NRXN1: variants seen among roughly 807,000 people sequenced by gnomAD.
The protein encoded by NRXN1 is neurexin 1.
In NRXN1, 39 loss-of-function variants were observed where a neutral mutation model predicts 150.9. The observed-to-expected ratio is 0.26, with a 90% CI of 0.20 to 0.34. NRXN1 has a LOEUF of 0.34. NRXN1 is among the 10% of genes least tolerant of loss of function. The pLI is 1.00. For missense variants in NRXN1, 1,815 were observed against 1,949.9 expected (o/e 0.93, Z 1.30); for synonymous variants, 924 against 757.0 (o/e 1.22, Z -3.62).
At chr2:50,232,222 G>A (rs1193641395) in intron 18 of NRXN1, among the ~76,000 whole-genome samples, 1 of 151,950 alleles carries the variant, frequency 6.6e-6, no homozygotes. Context: ...TATTTATTGA[G>A]GTGGTTACTA....
chr2:50,920,453 A>T (rs1685847384), intron 5 of NRXN1, among the ~76,000 whole-genome samples: 1 of 151,808 alleles, frequency 6.6e-6, no homozygotes, highest in African/African-American at 2.4e-5. Context: ...AATAACAAAT[A>T]TACGAGTGTA....
intron 15 of NRXN1, among the ~76,000 whole-genome samples, chr2:50,473,045 G>A (rs1006504521): frequency 1.3e-5 from 2 of 151,806 alleles, no homozygotes; most frequent in Admixed American, 1.3e-4. Flanking sequence ...TTCATCAGAA[G>A]TTCAGTAAAT....
intron 17 of NRXN1, among the ~76,000 whole-genome samples, chr2:50,378,112 A>ATATG (rs2080662332): frequency 6.6e-6 from 1 of 152,156 alleles, no homozygotes; most frequent in Admixed American, 6.6e-5. Context: ...GTTAGTCAGT[A>ATATG]TATGGTAAGC....
Position 50,497,620 on chromosome 2 carries a change from G to T in NRXN1, c.2592C>A (p.Asn864Lys). Reference sequence around the variant, plus strand: ...TCAAGCTCTGCAGGTGTCCAATGAAGTTGGAGGGGACAGAAGAAAGATACC... The same window carrying T: ...TCAAGCTCTGCAGGTGTCCAATGAATTTGGAGGGGACAGAAGAAAGATACC... Reference protein sequence around the residue: ...ERRYLSSVPSNFIGHLQSLTF... With the variant: ...ERRYLSSVPSKFIGHLQSLTF... Residue 864 changes from asparagine (N) to lysine (K), a missense_variant, in exon 14 of 23, where the codon AAC becomes AAA. Asn to Lys is a moderately conservative substitution (Grantham distance 94, BLOSUM62 0). This residue lies in a region of NRXN1 where 638 missense variants were observed against 652.6 expected (regional missense o/e 0.98). Transcript: ENST00000401669. The T allele has an allele frequency of 6.2e-7, 1 of 1,613,922 alleles. No individual in the cohort carries two copies. Among genetic ancestry groups the T allele is most frequent in the East Asian group, 2.2e-5 (1 of 44,870 alleles).
chr2:50,387,426 G>C (rs1247347536), intron 17 of NRXN1, among the ~76,000 whole-genome samples: 1 of 152,118 alleles, frequency 6.6e-6, no homozygotes, highest in African/African-American at 2.4e-5. Context: ...ACTGTTCTCA[G>C]TGCCCTCAGG....
Position 50,915,259 on chromosome 2 carries a change from T to C in NRXN1, c.832+6610A>G, listed in dbSNP as rs942149612. On this transcript the variant is annotated intron_variant, in intron 5 of 22. Transcript: ENST00000401669. ...TTTCCTTGAAAATGTGGTATTCAGA[T>C]AACTAGGTGTCAGCAGTCTCAACTA... Among the ~76,000 whole-genome samples the C allele has an allele frequency of 2.0e-5, 3 of 151,674 alleles. No individual in the cohort carries two copies. In the South Asian group the frequency reaches 6.2e-4, roughly 31 times the overall value.
In NRXN1 at chr2:50,656,036, T is replaced by C. The variant is rs559771656; in HGVS notation, c.833-32421A>G. Among the ~76,000 whole-genome samples the C allele has an allele frequency of 1.9e-4, 29 of 152,148 alleles. 1 individual carries two copies. In the South Asian group the frequency reaches 3.9e-3, roughly 21 times the overall value. ...GGTAAAATCATTACAAATCTGTCAG[T>C]TGTACCATCAAAATAAATCTGGAAT... On this transcript the variant is annotated intron_variant, in intron 5 of 22. Transcript: ENST00000401669.
intron 18 of NRXN1, among the ~76,000 whole-genome samples, chr2:50,122,912 T>C (rs1407376324): frequency 6.6e-6 from 1 of 152,186 alleles, no homozygotes; most frequent in Admixed American, 6.5e-5. Context: ...ACATGGTAGA[T>C]ACAAGGCTAA....
At chr2:50,388,414 G>A (rs1276425950) in intron 17 of NRXN1, among the ~76,000 whole-genome samples, 3 of 151,888 alleles carry the variant, frequency 2.0e-5, no homozygotes, top group South Asian at 4.2e-4. Context: ...GCCTTAGCTC[G>A]GGCAACACTG....
At chr2:50,100,004 T>A (rs931551786) in intron 18 of NRXN1, among the ~76,000 whole-genome samples, 1 of 152,098 alleles carries the variant, frequency 6.6e-6, no homozygotes, top group African/African-American at 2.4e-5. Context: ...ACGGAAAAAA[T>A]TTAGATATTA....
chr2:50,052,487 T>C (rs1193838295), intron 21 of NRXN1, among the ~76,000 whole-genome samples: 1 of 152,162 alleles, frequency 6.6e-6, no homozygotes, highest in African/African-American at 2.4e-5. Context: ...CCCTGTGTTC[T>C]TCACTGATGG....
intron 5 of NRXN1, among the ~76,000 whole-genome samples, chr2:50,662,776 T>C (rs1687479272): frequency 6.6e-6 from 1 of 152,036 alleles, no homozygotes; most frequent in Admixed American, 6.6e-5. Flanking sequence ...GGGAAATTTC[T>C]GTATCAGAGA....
At chr2:50,573,701 G>T (rs1670991877) in intron 8 of NRXN1, among the ~76,000 whole-genome samples, 1 of 151,386 alleles carries the variant, frequency 6.6e-6, no homozygotes, top group Non-Finnish European at 1.5e-5. Flanking sequence ...TTGAAAATCT[G>T]CGCTTATAGA....
intron 5 of NRXN1, among the ~76,000 whole-genome samples, chr2:50,681,829 A>G (rs147865963): frequency 6.6e-6 from 1 of 152,268 alleles, no homozygotes; most frequent in East Asian, 1.9e-4. Flanking sequence ...TTGACTTATT[A>G]GATACAGTGA....
At chr2:50,213,169 C>T (rs537436253) in intron 18 of NRXN1, among the ~76,000 whole-genome samples, 4 of 151,842 alleles carry the variant, frequency 2.6e-5, no homozygotes, top group Middle Eastern at 3.4e-3. Flanking sequence ...GTCAAGTGAA[C>T]GAGGTGAGAT....
intron 5 of NRXN1, among the ~76,000 whole-genome samples, chr2:50,733,620 C>T (rs2105218603): frequency 6.6e-6 from 1 of 152,140 alleles, no homozygotes; most frequent in Non-Finnish European, 1.5e-5. Context: ...TTTTATTGGG[C>T]TACCAGAAGT....
chr2:50,368,677 A>T (rs376460304), intron 17 of NRXN1, among the ~76,000 whole-genome samples: 1 of 152,026 alleles, frequency 6.6e-6, no homozygotes, highest in South Asian at 2.1e-4. Context: ...TAGAATAGAC[A>T]TGCTCAAATC....
intron 8 of NRXN1, among the ~76,000 whole-genome samples, chr2:50,595,081 T>C (rs1008972380): frequency 6.8e-6 from 1 of 146,050 alleles, no homozygotes; most frequent in Admixed American, 7.1e-5. Context: ...GGAAAGCTGG[T>C]ATGTTGGGGT....
At chr2:50,489,548 C>T (rs1268357658) in intron 15 of NRXN1, among the ~76,000 whole-genome samples, 1 of 141,382 alleles carries the variant, frequency 7.1e-6, no homozygotes, top group Non-Finnish European at 1.5e-5. Context: ...GGTCAACCTC[C>T]CCTGAGCAGA....
Sources: allele counts gnomAD v4.1 joint callset (sites outside exome capture counted in the v4.1 genomes callset), GRCh38; gene constraint gnomAD v4.1.1; regional missense constraint gnomAD v4.1.1; transcripts MANE v1.5; gene names NCBI Gene and HGNC (gene_info 2026-07-23, HGNC 2026-07-21).